The following KCNK10 variants were observed in gnomAD, a reference collection of about 807,000 sequenced individuals.
KCNK10 encodes the protein potassium channel subfamily K member 10.
Under a neutral mutation model 47.7 loss-of-function variants are expected in KCNK10, and 25 were observed. That is an observed-to-expected ratio of 0.52 (90% CI 0.38 to 0.73). The LOEUF is 0.73. KCNK10 is among the 30% of genes least tolerant of loss of function. KCNK10 has a pLI of 0.00. For synonymous variants in KCNK10, 303 were observed against 285.6 expected, an observed-to-expected ratio of 1.06 and a Z score of -0.61; for missense variants, 563 against 714.5, an observed-to-expected ratio of 0.79 and a Z score of 2.42.
Position 88,180,562 on chromosome 14 carries a change from T to G in KCNK10, c.*4973A>C. ...CGACGGAGCAGGAGTCCTCTCAAAA[T>G]AATTTATTTTAATGCACAGGGAACT... On this transcript the variant is annotated 3_prime_UTR_variant, in exon 7 of 7. Transcript: ENST00000319231. 3 of 381,274 alleles carry G rather than the reference T, an allele frequency of 7.9e-6. No homozygotes were observed. Among genetic ancestry groups the G allele is most frequent in the East Asian group, 7.5e-5 (2 of 26,798 alleles). The allele number at this position is 381,274 out of a possible 1,614,324, so 23.6% of individuals were successfully genotyped here. A position where few individuals can be genotyped will look rare whatever the true frequency, so the allele number is the denominator to read the frequency against.
At chr14:88,326,513 T>C (rs976725602), upstream of KCNK10, 9 of 1,366,822 alleles carry the variant, frequency 6.6e-6, no homozygotes, top group East Asian at 1.6e-4. Context: ...GCAACTTCCA[T>C]GGCTATTGCT....
At chr14:88,309,555 T>C (rs1285267200) in intron 1 of KCNK10, among the ~76,000 whole-genome samples, 1 of 152,202 alleles carries the variant, frequency 6.6e-6, no homozygotes, top group Non-Finnish European at 1.5e-5. Flanking sequence ...TGAGCTGTGA[T>C]TGCACCGCTG....
chr14:88,272,235 A>G (rs1011956442), intron 1 of KCNK10, among the ~76,000 whole-genome samples: 12 of 152,334 alleles, frequency 7.9e-5, no homozygotes, highest in Admixed American at 2.6e-4. Flanking sequence ...GCAAGTCCTC[A>G]ATCAACGTGA....
At chr14:88,291,307 G>T (rs1887870950) in intron 1 of KCNK10, among the ~76,000 whole-genome samples, 1 of 152,086 alleles carries the variant, frequency 6.6e-6, no homozygotes, top group Non-Finnish European at 1.5e-5. Flanking sequence ...TCAAAGAGAG[G>T]GTTTCTCTGT....
At chr14:88,244,254 A>G (rs1886560865) in intron 2 of KCNK10, among the ~76,000 whole-genome samples, 1 of 152,216 alleles carries the variant, frequency 6.6e-6, no homozygotes, top group Non-Finnish European at 1.5e-5. Context: ...TTTTTAACTC[A>G]ATAATAATAA....
chr14:88,187,631 C>T (rs911297084), intron 6 of KCNK10, among the ~76,000 whole-genome samples: 1 of 148,912 alleles, frequency 6.7e-6, no homozygotes, highest in Non-Finnish European at 1.5e-5. Context: ...CTGCACCCCC[C>T]CACACACACA....
chr14:88,185,590 G>T lies in KCNK10; in HGVS notation c.1577C>A (p.Thr526Lys), dbSNP rs201294051. The T allele has an allele frequency of 6.2e-7, 1 of 1,613,924 alleles. No homozygotes were observed. The highest frequency in any genetic ancestry group is 8.5e-7 in the Non-Finnish European group (1 of 1,180,024). The change falls in exon 7 of 7, where the codon ACG becomes AAG. Residue 526 changes from threonine to lysine, a missense_variant. Coordinates refer to ENST00000319231, the MANE Select transcript of KCNK10 (RefSeq NM_138317.3). This position sits in a 1 kb window ranked among gnomAD's most constrained non-coding sequence, Gnocchi z 4.3. ...CTCCGGCTCCCGGTCTTTGGTGTCC[G>T]TGGGTATCATTCCGTTCTCCAACTC... Reference protein sequence around the residue: ...HAELENGMIPTDTKDREPENN... With the variant: ...HAELENGMIPKDTKDREPENN...
chr14:88,208,878 AG>A (rs780958650), intron 4 of KCNK10, among the ~76,000 whole-genome samples: 1 of 152,158 alleles, frequency 6.6e-6, no homozygotes, highest in Non-Finnish European at 1.5e-5. Flanking sequence ...CGGGAGTGAG[AG>A]GGGACCTGGG....
At chr14:88,199,992 TTTCTTTCTCTTCTTTCC>T (rs1033806389) in intron 4 of KCNK10, among the ~76,000 whole-genome samples, 5 of 152,102 alleles carry the variant, frequency 3.3e-5, no homozygotes, top group East Asian at 1.9e-4. Context: ...TTTCTTTTTC[TTTCTTTCTCTTCTTTCC>T]TTCTTTCTCT....
intron 4 of KCNK10, among the ~76,000 whole-genome samples, chr14:88,197,856 A>AAGGGAGAGAGAG: frequency 9.6e-6 from 1 of 103,956 alleles, no homozygotes; most frequent in South Asian, 3.2e-4. Flanking sequence ...GGAAGGAGGG[A>AAGGGAGAGAGAG]AGGGAGAGAG....
chr14:88,195,666 CT>C (rs150294980), intron 4 of KCNK10, among the ~76,000 whole-genome samples: 1,810 of 152,288 alleles, frequency 0.012, 40 homozygotes, highest in African/African-American at 0.041. Context: ...ATCTTGGAAG[CT>C]TTTTTATTTG....
At chr14:88,197,309 G>A (rs984718166) in intron 4 of KCNK10, among the ~76,000 whole-genome samples, 1 of 151,934 alleles carries the variant, frequency 6.6e-6, no homozygotes, top group African/African-American at 2.4e-5. Flanking sequence ...AAAAACTCAG[G>A]CCAGGCATGC....
upstream of KCNK10, among the ~76,000 whole-genome samples, chr14:88,323,953 A>G (rs952821227): frequency 6.6e-6 from 1 of 151,934 alleles, no homozygotes; most frequent in African/African-American, 2.4e-5. Flanking sequence ...TTGTTCTGGG[A>G]CCGCTCCGCA....
intron 1 of KCNK10, among the ~76,000 whole-genome samples, chr14:88,298,751 T>C (rs1268108336): frequency 6.6e-6 from 1 of 152,214 alleles, no homozygotes; most frequent in Non-Finnish European, 1.5e-5. Context: ...GCCCAGCTAG[T>C]GTAGCCTTCC....
intron 1 of KCNK10, among the ~76,000 whole-genome samples, chr14:88,306,787 T>C (rs1019663048): frequency 6.6e-6 from 1 of 152,184 alleles, no homozygotes; most frequent in African/African-American, 2.4e-5. Context: ...TCCTCCATCA[T>C]ATTGAGTGAC....
At chr14:88,239,891 TA>T (rs1886403661) in intron 3 of KCNK10, among the ~76,000 whole-genome samples, 2 of 83,898 alleles carry the variant, frequency 2.4e-5, no homozygotes, top group South Asian at 4.7e-4. Flanking sequence ...TAAAATAAAA[TA>T]AAATAAAATA....
At chr14:88,317,763 G>A (rs1566723570) in intron 1 of KCNK10, among the ~76,000 whole-genome samples, 1 of 152,126 alleles carries the variant, frequency 6.6e-6, no homozygotes, top group Non-Finnish European at 1.5e-5. Flanking sequence ...GTACAAATGA[G>A]ATCATTCCTA....
intron 1 of KCNK10, among the ~76,000 whole-genome samples, chr14:88,273,843 A>G (rs765346402): frequency 6.6e-6 from 1 of 152,188 alleles, no homozygotes; most frequent in African/African-American, 2.4e-5. Context: ...TAAATTAACT[A>G]GCGCACTTTA....
At chr14:88,212,681 C>A (rs1160187517) in intron 4 of KCNK10, among the ~76,000 whole-genome samples, 1 of 152,186 alleles carries the variant, frequency 6.6e-6, no homozygotes, top group Admixed American at 6.5e-5. Flanking sequence ...AGGATGAGAA[C>A]TACAGCTATC....
Sources: allele counts gnomAD v4.1 joint callset (sites outside exome capture counted in the v4.1 genomes callset), GRCh38; gene constraint gnomAD v4.1.1; non-coding constraint Gnocchi (gnomAD v3.1); transcripts MANE v1.5; gene names NCBI Gene and HGNC (gene_info 2026-07-23, HGNC 2026-07-21).